PTPN1: variants seen among roughly 807,000 people sequenced by gnomAD.
PTPN1 encodes the protein tyrosine-protein phosphatase non-receptor type 1.
PTPN1 carries 12 observed loss-of-function variants against 59.9 expected under a neutral mutation model. The observed-to-expected ratio is 0.20, with a 90% CI of 0.13 to 0.32. PTPN1 has a LOEUF of 0.32. Ranked by LOEUF, PTPN1 falls within the 10% of genes least tolerant of loss-of-function variation. The pLI, the probability that PTPN1 is intolerant of heterozygous loss-of-function variation, is 1.00. For synonymous variants in PTPN1, 178 were observed against 203.6 expected (o/e 0.87, Z 1.07); for missense variants, 356 against 549.2 (o/e 0.65, Z 3.52).
At chr20:50,570,646 AG>A (rs558451731) in intron 4 of PTPN1, among the ~76,000 whole-genome samples, 182 of 152,298 alleles carry the variant, frequency 1.2e-3, no homozygotes, top group African/African-American at 4.3e-3. Context: ...GGCCTGTGGA[AG>A]CCTTCAGCAT....
chr20:50,561,991 C>G (rs1264292254), intron 2 of PTPN1, among the ~76,000 whole-genome samples: 2 of 152,182 alleles, frequency 1.3e-5, no homozygotes, highest in East Asian at 3.8e-4. Context: ...TGCCTGCTGG[C>G]CTGTGGCAGC....
chr20:50,571,509 A>T (rs1020562328), intron 4 of PTPN1: 1 of 152,222 alleles, frequency 6.6e-6, no homozygotes, highest in Non-Finnish European at 1.5e-5. Flanking sequence ...TAATCTAATT[A>T]TAAATGATCC....
chr20:50,539,541 A>G (rs2082639436), intron 1 of PTPN1, among the ~76,000 whole-genome samples: 3 of 151,884 alleles, frequency 2.0e-5, no homozygotes, highest in African/African-American at 4.8e-5. Context: ...GTCTTCTGGT[A>G]TAAAGCATTG....
intron 1 of PTPN1, among the ~76,000 whole-genome samples, chr20:50,558,169 T>G (rs1192803978): frequency 6.6e-6 from 1 of 152,178 alleles, no homozygotes; most frequent in African/African-American, 2.4e-5. Context: ...CATAATTTTC[T>G]TTGTAGCTTT....
Position 50,582,390 on chromosome 20 carries a change from G to C in PTPN1, c.1285-302G>C, listed in dbSNP as rs539120442. ...GTGTTGCTGTTAAGTAAGGGGAAGA[G>C]AGAGGACTAGCCTCAGAGCTCTGGC... is the stretch of plus-strand genomic sequence containing the variant. On this transcript the variant is annotated intron_variant, in intron 9 of 9. Coordinates refer to ENST00000371621, the MANE Select transcript of PTPN1 (RefSeq NM_002827.4). This position sits in a 1 kb window ranked among gnomAD's most constrained non-coding sequence, Gnocchi z 4.2. 6.6e-6 allele frequency among the ~76,000 whole-genome samples: 1 copy of C among 152,366 alleles called. No homozygotes were observed. The highest frequency in any genetic ancestry group is 2.4e-5 in the African/African-American group (1 of 41,598).
intron 1 of PTPN1, among the ~76,000 whole-genome samples, chr20:50,553,799 A>G (rs542729207): frequency 3.9e-5 from 6 of 152,304 alleles, no homozygotes; most frequent in African/African-American, 1.2e-4. Flanking sequence ...TGGAAGAAAA[A>G]CAACCGAATA....
At chr20:50,537,351 A>T (rs2082628491) in intron 1 of PTPN1, among the ~76,000 whole-genome samples, 1 of 152,016 alleles carries the variant, frequency 6.6e-6, no homozygotes, top group Admixed American at 6.6e-5. Flanking sequence ...TAATAAATAA[A>T]CTTTAAAAAT....
At chr20:50,558,958 G>A (rs1213353234) in intron 1 of PTPN1, among the ~76,000 whole-genome samples, 1 of 151,504 alleles carries the variant, frequency 6.6e-6, no homozygotes, top group East Asian at 1.9e-4. Flanking sequence ...AGGTGGAAAA[G>A]ATGCTCCAGT....
intron 1 of PTPN1, among the ~76,000 whole-genome samples, chr20:50,548,675 A>G: frequency 6.6e-6 from 1 of 151,256 alleles, no homozygotes; most frequent in East Asian, 2.0e-4. Context: ...TGAAGTGCTG[A>G]GATTATAGGT....
At chr20:50,514,363 G>A (rs1049231239) in intron 1 of PTPN1, among the ~76,000 whole-genome samples, 1 of 152,180 alleles carries the variant, frequency 6.6e-6, no homozygotes, top group Non-Finnish European at 1.5e-5. Flanking sequence ...TTTCACAGTG[G>A]AAATGAATAA....
chr20:50,538,721 T>C (rs2082634935), intron 1 of PTPN1, among the ~76,000 whole-genome samples: 1 of 152,238 alleles, frequency 6.6e-6, no homozygotes, highest in East Asian at 1.9e-4. Flanking sequence ...ACTATTATCT[T>C]TATTATATGC....
chr20:50,581,309 G>A lies in PTPN1; in HGVS notation c.1133G>A (p.Ser378Asn). Reference sequence around the variant, plus strand: ...GTTAGAAGTCGGGTCGTGGGGGGAAGTCTTCGAGGTGCCCAGGCTGCCTCC... The same window carrying A: ...GTTAGAAGTCGGGTCGTGGGGGGAAATCTTCGAGGTGCCCAGGCTGCCTCC... ...TEVRSRVVGG[S>N]LRGAQAASPA... The change falls in exon 9 of 10, where the codon AGT becomes AAT. Residue 378 changes from serine (S) to asparagine (N), a missense_variant. By Grantham distance (46) the Ser-to-Asn change is conservative. Coordinates refer to ENST00000371621, the MANE Select transcript of PTPN1 (RefSeq NM_002827.4). 6.2e-7 allele frequency: 1 copy of A among 1,613,726 alleles called. No individual in the cohort carries two copies. Among genetic ancestry groups the A allele is most frequent in the East Asian group, 2.2e-5 (1 of 44,874 alleles).
intron 4 of PTPN1, among the ~76,000 whole-genome samples, chr20:50,570,192 A>G (rs1490268550): frequency 1.3e-5 from 2 of 152,238 alleles, no homozygotes; most frequent in Non-Finnish European, 2.9e-5. Flanking sequence ...AACTTGAAGC[A>G]TTAACCACGA....
At chr20:50,537,515 G>A (rs950587931) in intron 1 of PTPN1, among the ~76,000 whole-genome samples, 8 of 152,070 alleles carry the variant, frequency 5.3e-5, no homozygotes, top group African/African-American at 1.4e-4. Context: ...TCGTATCCAC[G>A]TGTGTATGCA....
At chr20:50,537,715 A>G (rs893422323) in intron 1 of PTPN1, among the ~76,000 whole-genome samples, 1 of 152,194 alleles carries the variant, frequency 6.6e-6, no homozygotes, top group Non-Finnish European at 1.5e-5. Flanking sequence ...CAGAATTGCC[A>G]ATCTGCTTGT....
chr20:50,536,709 G>A (rs1340128806), intron 1 of PTPN1, among the ~76,000 whole-genome samples: 1 of 152,052 alleles, frequency 6.6e-6, no homozygotes, highest in East Asian at 1.9e-4. Flanking sequence ...TAATTTTAAG[G>A]ATGTTTTTAA....
At chr20:50,564,068 T>TA (rs960887517) in intron 2 of PTPN1, among the ~76,000 whole-genome samples, 3,847 of 143,842 alleles carry the variant, frequency 0.027, 81 homozygotes, top group African/African-American at 0.061. Flanking sequence ...ACTTGAACTT[T>TA]AAAAAAAAAA....
Position 50,581,319 on chromosome 20 carries a change from T to C in PTPN1, c.1143T>C (p.Gly381=), listed in dbSNP as rs142049600. The C allele has an allele frequency of 8.7e-6, 14 of 1,613,812 alleles. No individual in the cohort carries two copies. The African/African-American group carries it at 1.3e-4, about 15-fold the overall frequency. ...RSRVVGGSLR[G]AQAASPAKGE... Reference sequence around the variant, plus strand: ...GGGTCGTGGGGGGAAGTCTTCGAGGTGCCCAGGCTGCCTCCCCAGCCAAAG... The same window carrying C: ...GGGTCGTGGGGGGAAGTCTTCGAGGCGCCCAGGCTGCCTCCCCAGCCAAAG... Residue 381 remains glycine (G), a synonymous_variant, in exon 9 of 10, where the codon GGT becomes GGC. Transcript: ENST00000371621.
At chr20:50,564,739 T>C (rs191532228) in intron 2 of PTPN1, among the ~76,000 whole-genome samples, 13 of 152,366 alleles carry the variant, frequency 8.5e-5, no homozygotes, top group Admixed American at 1.3e-4. Flanking sequence ...TGTTTTAATA[T>C]GGCTTACTGC....
Sources: allele counts gnomAD v4.1 joint callset (sites outside exome capture counted in the v4.1 genomes callset), GRCh38; gene constraint gnomAD v4.1.1; non-coding constraint Gnocchi (gnomAD v3.1); transcripts MANE v1.5; gene names NCBI Gene and HGNC (gene_info 2026-07-23, HGNC 2026-07-21).